Variants in DRICH1 observed in about 807,000 individuals in gnomAD.
DRICH1 encodes aspartate-rich protein 1.
In DRICH1, 38 loss-of-function variants were observed where a neutral mutation model predicts 39.5. That is an observed-to-expected ratio of 0.96 (90% CI 0.74 to 1.26). DRICH1 has a LOEUF of 1.26. Among genes scored for constraint, DRICH1 ranks in the 50% most tolerant of loss-of-function variants. The pLI, the probability that DRICH1 is intolerant of heterozygous loss-of-function variation, is 0.00. For missense variants in DRICH1, 279 were observed against 270.4 expected, an observed-to-expected ratio of 1.03 and a Z score of -0.22; for synonymous variants, 84 against 99.5, an observed-to-expected ratio of 0.84 and a Z score of 0.93.
At chr22:23,614,815 A>G (rs1444788399) in intron 8 of DRICH1, among the ~76,000 whole-genome samples, 1 of 149,908 alleles carries the variant, frequency 6.7e-6, no homozygotes, top group African/African-American at 2.5e-5. Context: ...ACTTTTGGAC[A>G]GCAGCTCCTG....
chr22:23,613,541 C>T (rs1927166716), intron 10 of DRICH1, 98 bp downstream of exon 10: 2 of 1,046,490 alleles, frequency 1.9e-6, no homozygotes, highest in Non-Finnish European at 3.0e-6. Flanking sequence ...CACGAGAACC[C>T]CAAGCCTCTT....
chr22:23,619,490 G>A (rs2123779266), intron 5 of DRICH1, 97 bp from the exon 6 acceptor site: 2 of 739,882 alleles, frequency 2.7e-6, no homozygotes, highest in East Asian at 2.6e-5. Context: ...GTTGGAGGAT[G>A]CACATTCATG....
At chr22:23,628,728 G>A (rs892957172) in intron 1 of DRICH1, among the ~76,000 whole-genome samples, 1 of 152,200 alleles carries the variant, frequency 6.6e-6, no homozygotes, top group African/African-American at 2.4e-5. Context: ...GTCTGTGTCT[G>A]TCCTGACCCT....
At chr22:23,583,469 T>C in the DRICH1 span, 1 of 152,082 alleles carries the variant, frequency 6.6e-6, no homozygotes, top group African/African-American at 2.4e-5. Flanking sequence ...CCAGCCATGG[T>C]TGTGGGATGC....
chr22:23,614,350 G>C, intron 8 of DRICH1, 136 bp from the exon 9 acceptor site: 1 of 654,662 alleles, frequency 1.5e-6, no homozygotes, highest in Non-Finnish European at 2.8e-6. Flanking sequence ...CTATTCCCCT[G>C]AGTGGAAGAG....
At chr22:23,618,316 G>A (rs1415123897) in intron 6 of DRICH1, among the ~76,000 whole-genome samples, 1 of 151,682 alleles carries the variant, frequency 6.6e-6, no homozygotes, top group African/African-American at 2.4e-5. Flanking sequence ...GAGTTTCACC[G>A]TGTTAGCCAG....
At chr22:23,589,658 T>G in the DRICH1 span, among the ~76,000 whole-genome samples, 26,255 of 152,042 alleles carry the variant, frequency 0.17, 2,912 homozygotes, top group Non-Finnish European at 0.25. Flanking sequence ...TACAGTCATG[T>G]CAAAACAAAG....
chr22:23,604,145 G>A (rs1051001493), downstream of DRICH1, among the ~76,000 whole-genome samples: 7 of 151,978 alleles, frequency 4.6e-5, no homozygotes, highest in Admixed American at 1.3e-4. Context: ...TGGTCTCATC[G>A]ATTCCCTGCA....
chr22:23,597,180 C>G, the DRICH1 span, among the ~76,000 whole-genome samples: 2 of 143,788 alleles, frequency 1.4e-5, no homozygotes, highest in African/African-American at 5.3e-5. Flanking sequence ...TCCTTCCTCC[C>G]TCCCTCCATC....
chr22:23,586,550 T>C, the DRICH1 span, among the ~76,000 whole-genome samples: 1 of 152,190 alleles, frequency 6.6e-6, no homozygotes, highest in Non-Finnish European at 1.5e-5. Context: ...TTTGTTTGTT[T>C]GTTTGTTTTT....
chr22:23,624,245 G>A, intron 3 of DRICH1: 1 of 985,376 alleles, frequency 1.0e-6, no homozygotes, highest in Non-Finnish European at 1.2e-6. Flanking sequence ...GCTTGTGACA[G>A]AACTGTGTCC....
chr22:23,608,955 G>A (rs112887024), intron 11 of DRICH1, among the ~76,000 whole-genome samples, 187 bp from the exon 12 acceptor site: 10 of 152,280 alleles, frequency 6.6e-5, no homozygotes, highest in African/African-American at 2.4e-4. Flanking sequence ...TACAAGGGGA[G>A]GGCCAGGAAC....
Position 23,631,854 on chromosome 22 carries a change from T to C in DRICH1, c.170A>G (p.Gln57Arg). ...TTGGTTGCTGATGTGCTGCAGGTCT[T>C]GGCCCTCCGTGGCTCCCACATCCAG... The part of the protein sequence containing the change: ...GKLDVGATEG[Q>R]DLQHISNQKM... The change falls in exon 1 of 12, where the codon CAA becomes CGA. Residue 57 changes from glutamine (Q) to arginine (R), a missense_variant. Gln to Arg is a conservative substitution (Grantham distance 43). Transcript: ENST00000317749. 6.2e-7 allele frequency: 1 copy of C among 1,612,528 alleles called. No individual in the cohort carries two copies. The highest frequency in any genetic ancestry group is 8.5e-7 in the Non-Finnish European group (1 of 1,180,022).
At chr22:23,586,081 G>A in the DRICH1 span, among the ~76,000 whole-genome samples, 1 of 152,066 alleles carries the variant, frequency 6.6e-6, no homozygotes, top group East Asian at 1.9e-4. Context: ...GTTTTTTAGG[G>A]TTTGTCTGCT....
chr22:23,619,171 CAAAAAAAAAA>C (rs5844565), intron 6 of DRICH1, among the ~76,000 whole-genome samples, 183 bp downstream of exon 6: 2 of 84,938 alleles, frequency 2.4e-5, no homozygotes, highest in South Asian at 4.0e-4. Flanking sequence ...GACTCCGTCT[CAAAAAAAAAA>C]AAAAAAAAGA....
chr22:23,605,380 G>A (rs1926671299), downstream of DRICH1, among the ~76,000 whole-genome samples: 1 of 152,272 alleles, frequency 6.6e-6, no homozygotes, highest in South Asian at 2.1e-4. Flanking sequence ...AGTCCTAGGA[G>A]GTGACTCTGG....
intron 5 of DRICH1, 144 bp from the exon 6 acceptor site, chr22:23,619,537 G>C (rs1927584745): frequency 1.1e-5 from 7 of 652,234 alleles, no homozygotes; most frequent in Non-Finnish European, 2.0e-5. Flanking sequence ...AATGCAAACA[G>C]CATGCTTCCA....
the DRICH1 span, chr22:23,581,399 C>T: frequency 6.6e-6 from 1 of 152,280 alleles, no homozygotes; most frequent in African/African-American, 2.4e-5. Flanking sequence ...CAGGGCCAGG[C>T]TCTTTTGCTG....
chr22:23,619,470 A>G (rs1927581626), intron 5 of DRICH1, 77 bp from the exon 6 acceptor site: 1 of 763,452 alleles, frequency 1.3e-6, no homozygotes, highest in Non-Finnish European at 2.4e-6. Flanking sequence ...TAATGTTGAA[A>G]AAGAACAGTG....
Sources: gnomAD v4.1 joint callset for allele counts (sites outside exome capture counted in the v4.1 genomes callset) on GRCh38, gnomAD v4.1.1 for gene constraint, MANE v1.5 for transcripts, NCBI Gene and HGNC (gene_info 2026-07-23, HGNC 2026-07-21) for gene names.